The following ANO8 variants were observed in gnomAD, a reference collection of about 807,000 sequenced individuals.
ANO8 encodes the protein anoctamin-8.
Under a neutral mutation model 120.4 loss-of-function variants are expected in ANO8, and 67 were observed. The ratio of observed to expected loss-of-function variants is 0.56; its 90% confidence interval spans 0.46 to 0.68. The LOEUF (loss-of-function observed/expected upper bound fraction) is 0.68. Ranked by LOEUF, ANO8 falls within the 30% of genes least tolerant of loss-of-function variation. The pLI, the probability that ANO8 is intolerant of heterozygous loss-of-function variation, is 0.00. For synonymous variants in ANO8, 727 were observed against 759.2 expected (o/e 0.96, Z 0.70); for missense variants, 1,526 against 1,737.6 (o/e 0.88, Z 2.16).
In ANO8 at chr19:17,333,333, C is replaced by T; in HGVS notation, c.350+89G>A. On this transcript the variant is annotated intron_variant, in intron 3 of 17. Coordinates refer to ENST00000159087, the MANE Select transcript of ANO8 (RefSeq NM_020959.3). The surrounding 1 kb of genome is among the most constrained non-coding windows in gnomAD (Gnocchi z 7.2). ...TGCACCTGGCAGCCTTTGGGACAAA[C>T]GCAGGGCGGCTGGATAGCATGGTTG... is the stretch of plus-strand genomic sequence containing the variant. The T allele has an allele frequency of 1.2e-6, 2 of 1,605,626 alleles. No homozygotes were observed. The highest frequency in any genetic ancestry group is 2.2e-5 in the South Asian group (2 of 90,680).
intron 17 of ANO8, among the ~76,000 whole-genome samples, 191 bp from the exon 18 acceptor site, chr19:17,324,075 C>T (rs1341329199): frequency 6.6e-6 from 1 of 150,966 alleles, no homozygotes; most frequent in Non-Finnish European, 1.5e-5. Flanking sequence ...CACGGCCCTG[C>T]CGGTCACAGG....
At chr19:17,325,997 G>A (rs2074271609) in intron 16 of ANO8, among the ~76,000 whole-genome samples, 1 of 152,230 alleles carries the variant, frequency 6.6e-6, no homozygotes, top group South Asian at 2.1e-4. Context: ...GTTCTCTGGG[G>A]AACTGGAGAG....
intron 12 of ANO8, 196 bp from the exon 13 acceptor site, chr19:17,329,179 G>A (rs1206227158): frequency 4.0e-6 from 2 of 495,476 alleles, no homozygotes; most frequent in Non-Finnish European, 7.0e-6. Flanking sequence ...AGCCTGGCAC[G>A]CGCAGCGCTC....
chr19:17,324,339 T>C (rs1225758643), intron 17 of ANO8, among the ~76,000 whole-genome samples: 3 of 151,894 alleles, frequency 2.0e-5, no homozygotes, highest in East Asian at 1.9e-4. Context: ...GGGTGTGGAT[T>C]TGCATAGAGG....
chr19:17,326,564 A>C (rs1419214112), intron 16 of ANO8, among the ~76,000 whole-genome samples: 1 of 152,222 alleles, frequency 6.6e-6, no homozygotes, highest in Non-Finnish European at 1.5e-5. Flanking sequence ...GACTATACCC[A>C]GGTAGCCACG....
intron 16 of ANO8, 88 bp downstream of exon 16, chr19:17,327,147 C>T (rs915020917): frequency 1.7e-6 from 2 of 1,150,558 alleles, no homozygotes; most frequent in South Asian, 1.5e-5. Context: ...TCTGCATTTG[C>T]CCTTACGCTA....
rs2074350018 is a variant in ANO8 at position 17,334,714 on chromosome 19, C to T, written c.-44G>A. On this transcript the variant is annotated 5_prime_UTR_variant, in exon 1 of 18. Coordinates refer to ENST00000159087, the MANE Select transcript of ANO8 (RefSeq NM_020959.3). ...CAGGGGCTACGGACGGCCCGGGCGA[C>T]GGGGAGCCGCGGGCTCATGGGGCCG... 1 of 1,327,746 alleles carries T rather than the reference C, an allele frequency of 7.5e-7. No homozygotes were observed. The highest frequency in any genetic ancestry group is 1.8e-5 in the South Asian group (1 of 55,000). The allele number at this position is 1,327,746 out of a possible 1,614,324, so 82.2% of individuals were successfully genotyped here.
Position 17,328,889 on chromosome 19 carries a change from A to C in ANO8, c.1499T>G (p.Leu500Arg). ...CAGCTCCCAGACGGCCCGCAGGCCCAGCTCGCCGCGGCCCAGGCGCCGGTA... is the reference window on the plus strand; with the variant it reads ...CAGCTCCCAGACGGCCCGCAGGCCCCGCTCGCCGCGGCCCAGGCGCCGGTA... Reference protein sequence around the residue: ...HLYRRLGRGELGLRAVWELAR... With the variant: ...HLYRRLGRGERGLRAVWELAR... Residue 500 changes from leucine (L) to arginine (R), a missense_variant, in exon 13 of 18, where the codon CTG becomes CGG. By Grantham distance (102) the Leu-to-Arg change is moderately radical. Coordinates refer to ENST00000159087, the MANE Select transcript of ANO8 (RefSeq NM_020959.3). The C allele has an allele frequency of 6.7e-7, 1 of 1,503,680 alleles. No homozygotes were observed. The highest frequency in any genetic ancestry group is 2.3e-4 in the Middle Eastern group (1 of 4,330). The allele number at this position is 1,503,680 out of a possible 1,614,324, so 93.1% of individuals were successfully genotyped here. A position where few individuals can be genotyped will look rare whatever the true frequency, so the allele number is the denominator to read the frequency against.
chr19:17,331,785 C>G (rs1190873934), intron 5 of ANO8, among the ~76,000 whole-genome samples: 2 of 151,868 alleles, frequency 1.3e-5, no homozygotes, highest in South Asian at 2.1e-4. Context: ...AGGCGCCCAC[C>G]ACCACGCCCA....
At position 17,333,059 on chromosome 19, in the gene ANO8, C is replaced by G. The variant is rs111840275; in HGVS notation, c.490-33G>C. 2,438 of 1,613,994 alleles carry G rather than the reference C, an allele frequency of 1.5e-3. 40 individuals are homozygous for G. The African/African-American group carries it at 0.029, about 19-fold the overall frequency. ...GAAGAGGGCGTGAGCTCAGGGAACT[C>G]ATAGGCACAGGATGCATGCGGGGGC... On this transcript the variant is annotated intron_variant, in intron 4 of 17. Transcript: ENST00000159087. The surrounding 1 kb of genome is among the most constrained non-coding windows in gnomAD (Gnocchi z 7.2).
intron 5 of ANO8, 68 bp downstream of exon 5, chr19:17,332,862 A>G: frequency 6.3e-7 from 1 of 1,579,052 alleles, no homozygotes; most frequent in Non-Finnish European, 8.7e-7. Flanking sequence ...TCCTGCTCCT[A>G]TAAGCTGTCT....
Position 17,334,464 on chromosome 19 carries a change from C to G in ANO8, c.106+101G>C, listed in dbSNP as rs888579858. 9.0e-6 allele frequency: 10 copies of G among 1,109,690 alleles called. No homozygotes were observed. In the African/African-American group the frequency reaches 1.6e-4, roughly 18 times the overall value. The allele number at this position is 1,109,690 out of a possible 1,614,324, so 68.7% of individuals were successfully genotyped here. ...GAGGAGCCGGCCCCTCGTCCAGACA[C>G]CACGCCAGGTTACGTTTGACCCTGA... is the stretch of plus-strand genomic sequence containing the variant. On this transcript the variant is annotated intron_variant, in intron 1 of 17. Coordinates refer to ENST00000159087, the MANE Select transcript of ANO8 (RefSeq NM_020959.3).
intron 5 of ANO8, among the ~76,000 whole-genome samples, chr19:17,331,941 T>TTTTC (rs2074321903): frequency 7.1e-6 from 1 of 140,990 alleles, no homozygotes; most frequent in African/African-American, 2.6e-5. Flanking sequence ...CTTTTTTTTT[T>TTTTC]TTTTTTTTTT....
In ANO8 at chr19:17,328,987, G is replaced by T; in HGVS notation, c.1405-4C>A. On this transcript the variant is annotated splice_region_variant and splice_polypyrimidine_tract_variant and intron_variant, in intron 12 of 17. Transcript: ENST00000159087. ...TGATCAGCAGCGTGGCCAGCATCTGGGGGCAGGAAGGGGAAGGAGAGAGGC... is the reference window on the plus strand; with the variant it reads ...TGATCAGCAGCGTGGCCAGCATCTGTGGGCAGGAAGGGGAAGGAGAGAGGC... 1 of 1,485,332 alleles carries T rather than the reference G, an allele frequency of 6.7e-7. No individual in the cohort carries two copies. The allele number at this position is 1,485,332 out of a possible 1,614,324, so 92.0% of individuals were successfully genotyped here.
intron 1 of ANO8, 105 bp downstream of exon 1, chr19:17,334,460 G>T: frequency 9.4e-7 from 1 of 1,068,390 alleles, no homozygotes; most frequent in Non-Finnish European, 1.3e-6. Flanking sequence ...CCCTCGTCCA[G>T]ACACCACGCC....
At chr19:17,332,292 G>A (rs958302386) in intron 5 of ANO8, among the ~76,000 whole-genome samples, 1 of 151,736 alleles carries the variant, frequency 6.6e-6, no homozygotes, top group Non-Finnish European at 1.5e-5. Context: ...TGTCACCCAG[G>A]CTGGACAGAA....
Position 17,325,073 on chromosome 19 carries a change from CCT to C in ANO8, c.2973_2974del (p.Ala993HisfsTer47). ...TGCAGCAGCCAGTGAGGATGTGGCC[CCT>C]GACGAGAGGAATTTGCCCTGCAGTG... On this transcript the variant is annotated frameshift_variant, in exon 17 of 18. Coordinates refer to ENST00000159087, the MANE Select transcript of ANO8 (RefSeq NM_020959.3). LOFTEE classifies it high-confidence loss of function. 1 of 1,613,574 alleles carries C rather than the reference CCT, an allele frequency of 6.2e-7. No individual in the cohort carries two copies.
In ANO8 at chr19:17,325,277, G is replaced by A; in HGVS notation, c.2771C>T (p.Ser924Phe). 2.5e-6 allele frequency: 4 copies of A among 1,607,856 alleles called. No homozygotes were observed. The highest frequency in any genetic ancestry group is 3.4e-6 in the Non-Finnish European group (4 of 1,179,840). ...AEHHARREHD[S>F]GGREEARAEG... ...GGCCCTCGCCTCCTCTCGGCCACCA[G>A]AATCATGCTCCCGCCGGGCATGGTG... Residue 924 changes from serine to phenylalanine, a missense_variant, in exon 17 of 18, where the codon TCT (serine) becomes TTT (phenylalanine). Coordinates refer to ENST00000159087, the MANE Select transcript of ANO8 (RefSeq NM_020959.3).
At position 17,327,637 on chromosome 19, in the gene ANO8, T is replaced by G; in HGVS notation, c.2418+52A>C. 2.5e-6 allele frequency: 4 copies of G among 1,607,762 alleles called. No homozygotes were observed. In the East Asian group the frequency reaches 6.7e-5, roughly 27 times the overall value. On this transcript the variant is annotated intron_variant, in intron 14 of 17. Transcript: ENST00000159087. ...CCCCAGACCCCAGGCTCCTCCCAGC[T>G]GCACCTGGGCTCCCTCTGGGCCTCA...
Sources: gnomAD v4.1 joint callset for allele counts (sites outside exome capture counted in the v4.1 genomes callset) on GRCh38, gnomAD v4.1.1 for gene constraint, Gnocchi (gnomAD v3.1) non-coding constraint, MANE v1.5 for transcripts, NCBI Gene and HGNC (gene_info 2026-07-23, HGNC 2026-07-21) for gene names.